The following GRIP1 variants were observed in gnomAD, a reference collection of about 807,000 sequenced individuals.
GRIP1 encodes glutamate receptor-interacting protein 1.
In GRIP1, 45 loss-of-function variants were observed where a neutral mutation model predicts 129.9. The observed-to-expected ratio is 0.35, with a 90% CI of 0.27 to 0.44. The LOEUF (loss-of-function observed/expected upper bound fraction) is 0.44. Among genes scored for constraint, GRIP1 ranks in the 20% least tolerant of loss-of-function variants. The pLI, the probability that GRIP1 is intolerant of heterozygous loss-of-function variation, is 1.00. For missense variants in GRIP1, 1,196 were observed against 1,396.8 expected, an observed-to-expected ratio of 0.86 and a Z score of 2.29; for synonymous variants, 530 against 520.8, an observed-to-expected ratio of 1.02 and a Z score of -0.24.
chr12:66,357,168 T>C (rs1360808889), intron 23 of GRIP1, among the ~76,000 whole-genome samples: 1 of 152,224 alleles, frequency 6.6e-6, no homozygotes, highest in African/African-American at 2.4e-5. Flanking sequence ...TGAGCCACTG[T>C]GCCCGGCCTC....
At chr12:66,522,212 G>C (rs2061038342) in intron 5 of GRIP1, among the ~76,000 whole-genome samples, 1 of 152,208 alleles carries the variant, frequency 6.6e-6, no homozygotes, top group Non-Finnish European at 1.5e-5. Flanking sequence ...CCTCAAGTGG[G>C]TCCCTGACCC....
At chr12:66,363,652 T>C (rs777097630) in intron 23 of GRIP1, among the ~76,000 whole-genome samples, 2 of 151,982 alleles carry the variant, frequency 1.3e-5, no homozygotes, top group African/African-American at 2.4e-5. Flanking sequence ...TACATAAGAA[T>C]TGTGTTTTTC....
intron 1 of GRIP1, among the ~76,000 whole-genome samples, chr12:66,952,527 T>C (rs2041774429): frequency 6.6e-6 from 1 of 152,220 alleles, no homozygotes; most frequent in South Asian, 2.1e-4. Context: ...AATAATCTCT[T>C]TTTATAACAA....
At chr12:66,799,546 C>T (rs1407444982) in intron 1 of GRIP1, among the ~76,000 whole-genome samples, 3 of 152,082 alleles carry the variant, frequency 2.0e-5, no homozygotes, top group Non-Finnish European at 2.9e-5. Context: ...ATGTGCTTCC[C>T]TCTCTCCTTC....
At chr12:66,975,386 A>G (rs2042136522) in intron 1 of GRIP1, among the ~76,000 whole-genome samples, 1 of 152,218 alleles carries the variant, frequency 6.6e-6, no homozygotes, top group Non-Finnish European at 1.5e-5. Flanking sequence ...CTCCTGTCAG[A>G]AACATATTCA....
chr12:66,715,517 A>AGAGAGAGAGAGAG (rs1205183269), intron 1 of GRIP1, among the ~76,000 whole-genome samples: 8 of 144,082 alleles, frequency 5.6e-5, no homozygotes, highest in African/African-American at 1.0e-4. Flanking sequence ...AGAGAGAGAG[A>AGAGAGAGAGAGAG]ACTGTCTCCC....
rs770115298 is a variant in GRIP1 at position 66,394,212 on chromosome 12, C to T, written c.2125G>A (p.Glu709Lys). 6.2e-7 allele frequency: 1 copy of T among 1,613,856 alleles called. No individual in the cohort carries two copies. Among genetic ancestry groups the T allele is most frequent in the South Asian group, 1.1e-5 (1 of 91,074 alleles). The change falls in exon 17 of 25, where the codon GAA becomes AAA. Residue 709 changes from glutamate (E) to lysine (K), a missense_variant. Physicochemically the swap from Glu to Lys is moderately conservative, Grantham distance 56. Around this residue, in one of 5 missense-constraint regions of GRIP1, gnomAD observed 28 missense variants for 78.1 expected, o/e 0.36. Coordinates refer to ENST00000359742, the MANE Select transcript of GRIP1 (RefSeq NM_001366722.1). Reference sequence around the variant, plus strand: ...AACAGTTACTTCAAATTTTACCTTTCAGCTAATCCCCCTTTAGTGAGGCTT... The same window carrying T: ...AACAGTTACTTCAAATTTTACCTTTTAGCTAATCCCCCTTTAGTGAGGCTT... ...ISSLTKGGLA[E>K]RTGAIHIGDR...
chr12:66,376,074 T>A (rs557909787), intron 22 of GRIP1, among the ~76,000 whole-genome samples: 2 of 147,164 alleles, frequency 1.4e-5, no homozygotes, highest in Non-Finnish European at 2.9e-5. Context: ...ATTGCTAACA[T>A]CTTACTTCAT....
intron 1 of GRIP1, among the ~76,000 whole-genome samples, chr12:66,852,532 GTATATATGTATATA>G (rs1276006529): frequency 6.0e-5 from 9 of 149,856 alleles, no homozygotes; most frequent in East Asian, 3.9e-4. Flanking sequence ...ATATGTATAT[GTATATATGTATATA>G]TGTATATGTA....
intron 24 of GRIP1, among the ~76,000 whole-genome samples, chr12:66,353,103 G>C (rs1200327046): frequency 2.0e-5 from 3 of 152,096 alleles, no homozygotes; most frequent in Non-Finnish European, 4.4e-5. Context: ...GGATAACTAC[G>C]TCATATTTAT....
intron 1 of GRIP1, among the ~76,000 whole-genome samples, chr12:66,749,606 G>A (rs1287680489): frequency 6.6e-6 from 1 of 152,154 alleles, no homozygotes; most frequent in Non-Finnish European, 1.5e-5. Context: ...TCCTGTGGCG[G>A]TAATTTGGCA....
intron 1 of GRIP1, among the ~76,000 whole-genome samples, chr12:66,678,002 T>C (rs979666797): frequency 6.6e-6 from 1 of 152,086 alleles, no homozygotes; most frequent in Non-Finnish European, 1.5e-5. Context: ...TTTTTTTAAA[T>C]AATAAATTTT....
rs560241277 is a variant in GRIP1 at position 66,623,720 on chromosome 12, G to A, written c.56-26793C>T. ...TGTAGGCTCAGCTGCTGGAAGCACT[G>A]GGCATTTCAAGTGCAAGTGGACCAT... On this transcript the variant is annotated intron_variant, in intron 1 of 24. Coordinates refer to ENST00000359742, the MANE Select transcript of GRIP1 (RefSeq NM_001366722.1). Among the ~76,000 whole-genome samples, 119 of 152,116 alleles carry A rather than the reference G, an allele frequency of 7.8e-4. 1 individual carries two copies. The South Asian group carries it at 0.025, about 31-fold the overall frequency.
intron 1 of GRIP1, among the ~76,000 whole-genome samples, chr12:66,823,287 G>GC (rs1555242502): frequency 1.4e-4 from 22 of 151,994 alleles, no homozygotes; most frequent in African/African-American, 5.3e-4. Flanking sequence ...GTAAAGAACT[G>GC]TTTTTTTATA....
chr12:66,750,377 G>A (rs1322281041), intron 1 of GRIP1, among the ~76,000 whole-genome samples: 13 of 152,144 alleles, frequency 8.5e-5, no homozygotes, highest in African/African-American at 1.4e-4. Flanking sequence ...CCTCTTTTGT[G>A]TGTCCCCTTT....
At chr12:66,708,983 CAT>C (rs1485018791) in intron 1 of GRIP1, among the ~76,000 whole-genome samples, 1 of 151,442 alleles carries the variant, frequency 6.6e-6, no homozygotes, top group African/African-American at 2.4e-5. Context: ...TACCATGTGA[CAT>C]GATTTTTACA....
intron 1 of GRIP1, among the ~76,000 whole-genome samples, chr12:66,722,359 A>G (rs190956045): frequency 6.6e-6 from 1 of 152,238 alleles, no homozygotes; most frequent in East Asian, 1.9e-4. Context: ...GTCCCAGGAG[A>G]GGGAGACAGA....
intron 1 of GRIP1, among the ~76,000 whole-genome samples, chr12:66,776,978 T>C (rs995566322): frequency 5.3e-5 from 8 of 152,206 alleles, no homozygotes; most frequent in Admixed American, 5.2e-4. Context: ...GATATGTTGA[T>C]TCCAGGATAT....
At chr12:66,820,412 A>T (rs2039297016) in intron 1 of GRIP1, among the ~76,000 whole-genome samples, 1 of 152,248 alleles carries the variant, frequency 6.6e-6, no homozygotes, top group Admixed American at 6.5e-5. Context: ...TGGGAATGCA[A>T]AATGGTACAG....
Sources: allele counts gnomAD v4.1 joint callset (sites outside exome capture counted in the v4.1 genomes callset), GRCh38; gene constraint gnomAD v4.1.1; regional missense constraint gnomAD v4.1.1; transcripts MANE v1.5; gene names NCBI Gene and HGNC (gene_info 2026-07-23, HGNC 2026-07-21).